SAMM50: variants seen among roughly 807,000 people sequenced by gnomAD.
The protein encoded by SAMM50 is sorting and assembly machinery component 50 homolog.
SAMM50 carries 47 observed loss-of-function variants against 66.9 expected under a neutral mutation model. The ratio of observed to expected loss-of-function variants is 0.70; its 90% CI spans 0.56 to 0.90. SAMM50 has a LOEUF of 0.90. SAMM50 is among the 40% of genes least tolerant of loss of function. The pLI, the probability that SAMM50 is intolerant of heterozygous loss-of-function variation, is 0.00. For synonymous variants in SAMM50, 191 were observed against 214.1 expected, an observed-to-expected ratio of 0.89 and a Z score of 0.94; for missense variants, 535 against 595.3, an observed-to-expected ratio of 0.90 and a Z score of 1.05.
chr22:43,968,640 G>A (rs2050186729), intron 3 of SAMM50, 91 bp from the exon 4 acceptor site: 1 of 880,082 alleles, frequency 1.1e-6, no homozygotes, highest in Non-Finnish European at 1.9e-6. Flanking sequence ...AGCACCGAAT[G>A]GTAAACTACC....
At chr22:43,969,910 C>T (rs1252130708) in intron 4 of SAMM50, among the ~76,000 whole-genome samples, 1 of 152,142 alleles carries the variant, frequency 6.6e-6, no homozygotes, top group African/African-American at 2.4e-5. Flanking sequence ...AGTCAGAATT[C>T]AGCAGACACC....
intron 13 of SAMM50, among the ~76,000 whole-genome samples, chr22:43,989,853 GGT>G (rs1439174319): frequency 6.6e-6 from 1 of 152,130 alleles, no homozygotes; most frequent in African/African-American, 2.4e-5. Context: ...AGTAGGATTG[GGT>G]GCCTTCCTCA....
chr22:43,957,174 A>T (rs1368058025), intron 1 of SAMM50: 1 of 732,724 alleles, frequency 1.4e-6, no homozygotes, highest in Non-Finnish European at 2.5e-6. Flanking sequence ...TATACAAAGC[A>T]AAGAACAACA....
intron 3 of SAMM50, 116 bp from the exon 4 acceptor site, chr22:43,968,615 T>C (rs111450068): frequency 6.1e-5 from 45 of 733,812 alleles, no homozygotes; most frequent in Non-Finnish European, 9.0e-5. Flanking sequence ...TGCTCTCTGC[T>C]CAGTGATCTG....
intron 2 of SAMM50, 74 bp downstream of exon 2, chr22:43,963,470 T>C: frequency 1.2e-6 from 1 of 862,280 alleles, no homozygotes; most frequent in Non-Finnish European, 1.8e-6. Flanking sequence ...TAGGGAGATG[T>C]AAAGGAATTA....
At chr22:43,993,970 G>A (rs1350839546) in intron 14 of SAMM50, among the ~76,000 whole-genome samples, 1 of 152,234 alleles carries the variant, frequency 6.6e-6, no homozygotes, top group Non-Finnish European at 1.5e-5. Flanking sequence ...GTCAGTTTGT[G>A]TCTTAGGAGT....
intron 3 of SAMM50, 112 bp from the exon 4 acceptor site, chr22:43,968,619 T>C: frequency 1.3e-6 from 1 of 747,250 alleles, no homozygotes; most frequent in South Asian, 1.5e-5. Context: ...CTCTGCTCAG[T>C]GATCTGACTT....
At chr22:43,964,089 G>A (rs923839702) in intron 2 of SAMM50, among the ~76,000 whole-genome samples, 5 of 152,048 alleles carry the variant, frequency 3.3e-5, no homozygotes, top group African/African-American at 7.2e-5. Flanking sequence ...TCTGCACATA[G>A]TTATTAAGTC....
chr22:43,959,191 G>A (rs897562749), intron 1 of SAMM50, among the ~76,000 whole-genome samples: 10 of 151,930 alleles, frequency 6.6e-5, no homozygotes, highest in Admixed American at 2.0e-4. Context: ...GCTAACTTTT[G>A]TATTTTTACC....
intron 1 of SAMM50, among the ~76,000 whole-genome samples, chr22:43,956,120 C>G (rs543093437): frequency 6.6e-6 from 1 of 152,136 alleles, no homozygotes; most frequent in South Asian, 2.1e-4. Flanking sequence ...TAGTACCTAC[C>G]TCGCCTGGCT....
chr22:43,960,677 C>G (rs569804373), intron 1 of SAMM50, among the ~76,000 whole-genome samples: 27 of 152,048 alleles, frequency 1.8e-4, no homozygotes, highest in African/African-American at 6.3e-4. Flanking sequence ...TGCAGTGAGC[C>G]GAGATTGCGC....
At chr22:43,989,780 T>C in intron 13 of SAMM50, among the ~76,000 whole-genome samples, 1 of 151,892 alleles carries the variant, frequency 6.6e-6, no homozygotes, top group East Asian at 1.9e-4. Context: ...AATCATCTAA[T>C]GCCCTTACGA....
At chr22:43,989,330 G>A (rs919581538) in intron 13 of SAMM50, 73 bp downstream of exon 13, 3 of 1,406,660 alleles carry the variant, frequency 2.1e-6, no homozygotes, top group Middle Eastern at 2.1e-4. Context: ...TACACAAAGA[G>A]GTGTCTGTCT....
rs746237478 is a variant in SAMM50, at chr22:43,968,722, A to G, written c.235-9A>G. 1.3e-6 allele frequency: 2 copies of G among 1,596,132 alleles called. No individual in the cohort carries two copies. The highest frequency in any genetic ancestry group is 2.2e-5 in the South Asian group (2 of 90,334). On this transcript the variant is annotated splice_polypyrimidine_tract_variant and intron_variant, in intron 3 of 14. Transcript: ENST00000350028. ...ATATATTCCTTGTTTTTCTTCCCCC[A>G]TTTTATAGGTAATGCGGAAATCTCA...
intron 1 of SAMM50, among the ~76,000 whole-genome samples, chr22:43,959,317 C>T (rs956779577): frequency 6.6e-6 from 1 of 151,866 alleles, no homozygotes; most frequent in Non-Finnish European, 1.5e-5. Context: ...CTGTGCCCAG[C>T]CTGTTGTTAT....
At chr22:43,956,887 C>T (rs2050122307) in intron 1 of SAMM50, 1 of 435,622 alleles carries the variant, frequency 2.3e-6, no homozygotes, top group South Asian at 4.7e-5. Flanking sequence ...TTTAGAAATC[C>T]TATCTGTAAA....
chr22:43,967,506 C>G (rs2050179478), intron 3 of SAMM50, among the ~76,000 whole-genome samples: 1 of 152,230 alleles, frequency 6.6e-6, no homozygotes, highest in South Asian at 2.1e-4. Context: ...TGTCCTCTGA[C>G]CCCTGCCTGT....
intron 4 of SAMM50, among the ~76,000 whole-genome samples, chr22:43,970,493 C>T (rs1281459506): frequency 2.0e-5 from 3 of 152,168 alleles, no homozygotes; most frequent in Non-Finnish European, 4.4e-5. Context: ...AAGCACCTGT[C>T]CTAGGTGTTG....
chr22:43,966,379 C>T (rs556395218), intron 3 of SAMM50, among the ~76,000 whole-genome samples: 4 of 150,920 alleles, frequency 2.7e-5, no homozygotes, highest in African/African-American at 7.3e-5. Context: ...TTTTTTGAGA[C>T]GGAGTTTCGC....
Sources: gnomAD v4.1 joint callset for allele counts (sites outside exome capture counted in the v4.1 genomes callset) on GRCh38, gnomAD v4.1.1 for gene constraint, MANE v1.5 for transcripts, NCBI Gene and HGNC (gene_info 2026-07-23, HGNC 2026-07-21) for gene names.